SOBP: variants seen among roughly 807,000 people sequenced by gnomAD.
SOBP encodes sine oculis binding protein homolog.
Under a neutral mutation model 53.6 loss-of-function variants are expected in SOBP, and 4 were observed. The observed-to-expected ratio is 0.07, with a 90% CI of 0.04 to 0.17. The LOEUF (loss-of-function observed/expected upper bound fraction) is 0.17, where lower values mean the gene tolerates loss of function less well. Among genes scored for constraint, SOBP ranks in the 10% least tolerant of loss-of-function variants. The probability of loss-of-function intolerance (pLI) is 1.00; values close to 1 mark genes in which losing one functional copy is unlikely to be tolerated. For synonymous variants in SOBP, 584 were observed against 522.6 expected, an observed-to-expected ratio of 1.12 and a Z score of -1.60; for missense variants, 1,088 against 1,204.7, an observed-to-expected ratio of 0.90 and a Z score of 1.43.
intron 4 of SOBP, among the ~76,000 whole-genome samples, chr6:107,543,276 A>T (rs1268863710): frequency 6.6e-6 from 1 of 152,130 alleles, no homozygotes; most frequent in Non-Finnish European, 1.5e-5. Context: ...TGTTGGCCAC[A>T]TTTCATGGCA....
intron 4 of SOBP, among the ~76,000 whole-genome samples, chr6:107,536,406 C>T (rs1205480826): frequency 1.3e-5 from 2 of 152,172 alleles, no homozygotes; most frequent in East Asian, 1.9e-4. Context: ...TCTTCACACA[C>T]GCTTGGGTGT....
In SOBP at chr6:107,490,584, C is replaced by T. The variant is rs772469833; in HGVS notation, c.-33C>T. The T allele has an allele frequency of 6.5e-7, 1 of 1,536,970 alleles. No homozygotes were observed. ...CACCACCGCCGGCGGCGGCAGCAGC[C>T]ATTTCATCTCCACAGAAACCAGACA... On this transcript the variant is annotated 5_prime_UTR_variant, in exon 1 of 7. Transcript: ENST00000317357.
intron 6 of SOBP, among the ~76,000 whole-genome samples, chr6:107,646,873 C>G (rs1771582656): frequency 6.6e-6 from 1 of 152,126 alleles, no homozygotes; most frequent in Non-Finnish European, 1.5e-5. Flanking sequence ...GAGACACTTA[C>G]CAGGTGAGGG....
chr6:107,577,170 G>C (rs766286365), intron 4 of SOBP, among the ~76,000 whole-genome samples: 1 of 152,218 alleles, frequency 6.6e-6, no homozygotes, highest in Non-Finnish European at 1.5e-5. Context: ...TGACATGGCA[G>C]GTCATGACGA....
At chr6:107,507,037 A>AC (rs1783015540) in intron 3 of SOBP, among the ~76,000 whole-genome samples, 1 of 151,444 alleles carries the variant, frequency 6.6e-6, no homozygotes, top group South Asian at 2.1e-4. Flanking sequence ...CTGCACTCCA[A>AC]CCTGGGCAAC....
intron 1 of SOBP, among the ~76,000 whole-genome samples, chr6:107,498,538 A>G (rs1052080892): frequency 3.3e-5 from 5 of 152,204 alleles, no homozygotes; most frequent in African/African-American, 1.2e-4. Flanking sequence ...TTTACCTGGT[A>G]AAATGTTCAA....
intron 4 of SOBP, among the ~76,000 whole-genome samples, chr6:107,553,152 CTGTT>C (rs1784509858): frequency 6.6e-6 from 1 of 151,828 alleles, no homozygotes; most frequent in South Asian, 2.1e-4. Flanking sequence ...GGGAGTTTAA[CTGTT>C]TGAATCATGG....
chr6:107,633,757 A>G lies in SOBP; in HGVS notation c.913A>G (p.Thr305Ala). 6.2e-7 allele frequency: 1 copy of G among 1,614,226 alleles called. No individual in the cohort carries two copies. The highest frequency in any genetic ancestry group is 8.5e-7 in the Non-Finnish European group (1 of 1,180,038). ...LTPDSWNIPL[T>A]DARRKAPSPV... Reference sequence around the variant, plus strand: ...TCCAGACTCTTGGAATATCCCGCTAACAGATGCTCGGAGGAAGGCCCCCTC... The same window carrying G: ...TCCAGACTCTTGGAATATCCCGCTAGCAGATGCTCGGAGGAAGGCCCCCTC... The change falls in exon 6 of 7, where the codon ACA becomes GCA. Residue 305 changes from threonine to alanine, a missense_variant. Around this residue, in one of 6 missense-constraint regions of SOBP, gnomAD observed 211 missense variants for 258.9 expected, o/e 0.82. Coordinates refer to ENST00000317357, the MANE Select transcript of SOBP (RefSeq NM_018013.4).
At position 107,503,880 on chromosome 6, in the gene SOBP, T is replaced by C. The variant is rs192787721; in HGVS notation, c.235+85T>C. ...AGAATTGAGTTGCTTTGGGACTCAA[T>C]TGAGTTGCTTTGTTGATTATGCCAA... On this transcript the variant is annotated intron_variant, in intron 2 of 6. Transcript: ENST00000317357. 22 of 1,507,854 alleles carry C rather than the reference T, an allele frequency of 1.5e-5. No individual in the cohort carries two copies. The East Asian group carries it at 4.3e-4, about 29-fold the overall frequency. The allele number at this position is 1,507,854 out of a possible 1,614,324, so 93.4% of individuals were successfully genotyped here.
rs1470832499 is a variant in SOBP, at chr6:107,616,081, GGGT to G, written c.670-17430_670-17428del. 1.6e-3 allele frequency among the ~76,000 whole-genome samples: 164 copies of G among 105,434 alleles called. 1 individual carries two copies. The highest frequency in any genetic ancestry group is 7.0e-3 in the African/African-American group (154 of 22,070). 69.2% of individuals were successfully genotyped at this position (105,434 alleles called of 152,430 possible). On this transcript the variant is annotated intron_variant, in intron 5 of 6. Transcript: ENST00000317357. ...AGGATGCCTACTCATTGAGGAAGGG[GGGT>G]GGGGGGGGGGCGGGGGGGCGGCTTC...
chr6:107,559,466 TTAAAC>T (rs767633033), intron 4 of SOBP, among the ~76,000 whole-genome samples: 1 of 152,168 alleles, frequency 6.6e-6, no homozygotes, highest in African/African-American at 2.4e-5. Context: ...TGAAATTTAT[TTAAAC>T]TAAGAAAACA....
At chr6:107,626,592 T>C (rs1770470440) in intron 5 of SOBP, among the ~76,000 whole-genome samples, 1 of 152,176 alleles carries the variant, frequency 6.6e-6, no homozygotes. Context: ...GCACAGCACC[T>C]CACCCATGAT....
intron 3 of SOBP, among the ~76,000 whole-genome samples, chr6:107,527,521 C>T (rs1354280624): frequency 1.3e-5 from 2 of 152,146 alleles, no homozygotes; most frequent in Non-Finnish European, 2.9e-5. Context: ...TGACACCTAC[C>T]CTTTTCTTGT....
At position 107,635,064 on chromosome 6, in the gene SOBP, G is replaced by C; in HGVS notation, c.2220G>C (p.Pro740=). The C allele has an allele frequency of 6.5e-7, 1 of 1,540,326 alleles. No individual in the cohort carries two copies. The highest frequency in any genetic ancestry group is 8.7e-7 in the Non-Finnish European group (1 of 1,143,630). Residue 740 remains proline (P), a synonymous_variant, in exon 6 of 7, where the codon CCG becomes CCC. Transcript: ENST00000317357. The surrounding 1 kb of genome is among the most constrained non-coding windows in gnomAD (Gnocchi z 4.5). ...AAAEGAKSAE[P]PPEQPPPPPP... ...CCGAGGGCGCTAAGAGCGCGGAGCC[G>C]CCTCCCGAGCAGCCGCCGCCGCCGC... is the stretch of plus-strand genomic sequence containing the variant.
chr6:107,555,676 A>G (rs145086518), intron 4 of SOBP, among the ~76,000 whole-genome samples: 1,630 of 152,356 alleles, frequency 0.011, 12 homozygotes, highest in Middle Eastern at 0.017. Flanking sequence ...GGAAGCAGTT[A>G]CCACAGAAAC....
intron 5 of SOBP, among the ~76,000 whole-genome samples, chr6:107,609,962 C>T (rs1786532022): frequency 1.3e-5 from 2 of 152,162 alleles, no homozygotes; most frequent in Non-Finnish European, 2.9e-5. Flanking sequence ...ACTCTAAATA[C>T]ACATATCCAG....
At chr6:107,601,069 T>A (rs1035966717) in intron 5 of SOBP, among the ~76,000 whole-genome samples, 2 of 152,242 alleles carry the variant, frequency 1.3e-5, no homozygotes, top group Non-Finnish European at 2.9e-5. Context: ...GGTGTGGCTC[T>A]CTATTGGCAA....
chr6:107,615,640 G>A (rs565352056), intron 5 of SOBP, among the ~76,000 whole-genome samples: 1 of 152,236 alleles, frequency 6.6e-6, no homozygotes, highest in African/African-American at 2.4e-5. Flanking sequence ...GTTCCCCAAG[G>A]GAAAAATCTG....
intron 4 of SOBP, among the ~76,000 whole-genome samples, chr6:107,546,973 G>T (rs988067509): frequency 8.5e-5 from 13 of 152,110 alleles, no homozygotes; most frequent in Non-Finnish European, 1.9e-4. Context: ...TCAGGGTAGA[G>T]AAATTAATAG....
Sources: allele counts gnomAD v4.1 joint callset (sites outside exome capture counted in the v4.1 genomes callset), GRCh38; gene constraint gnomAD v4.1.1; regional missense constraint gnomAD v4.1.1; non-coding constraint Gnocchi (gnomAD v3.1); transcripts MANE v1.5; gene names NCBI Gene and HGNC (gene_info 2026-07-23, HGNC 2026-07-21).